NCAM1: variants seen among roughly 807,000 people sequenced by gnomAD.
NCAM1 encodes neural cell adhesion molecule 1.
A neutral mutation model predicts 109.8 loss-of-function variants in NCAM1; 14 were observed. That is an observed-to-expected ratio of 0.13 (90% confidence interval 0.08 to 0.20). The LOEUF (loss-of-function observed/expected upper bound fraction) is 0.20. Ranked by LOEUF, NCAM1 falls within the 10% of genes least tolerant of loss-of-function variation. The pLI, the probability that NCAM1 is intolerant of heterozygous loss-of-function variation, is 1.00. For synonymous variants in NCAM1, 418 were observed against 442.9 expected (o/e 0.94, Z 0.70); for missense variants, 774 against 1,109.9 (o/e 0.70, Z 4.30).
At chr11:112,966,372 C>A (rs1950728378) in intron 1 of NCAM1, among the ~76,000 whole-genome samples, 1 of 152,178 alleles carries the variant, frequency 6.6e-6, no homozygotes, top group South Asian at 2.1e-4. Flanking sequence ...CTGAGCAATG[C>A]TGTAAGAGAT....
At chr11:113,206,313 C>CCT in intron 5 of NCAM1, 133 bp downstream of exon 5, 1 of 933,594 alleles carries the variant, frequency 1.1e-6, no homozygotes. Flanking sequence ...AGCTAAATCC[C>CCT]CTCCCCACCG....
At chr11:113,244,654 CGT>C (rs55798470) in intron 14 of NCAM1, among the ~76,000 whole-genome samples, 21,622 of 149,688 alleles carry the variant, frequency 0.14, 1,526 homozygotes, top group Admixed American at 0.15. Flanking sequence ...TGTGTGTGTG[CGT>C]GTGTGTGTGT....
At chr11:113,239,371 C>T (rs1425513668) in intron 14 of NCAM1, among the ~76,000 whole-genome samples, 1 of 152,206 alleles carries the variant, frequency 6.6e-6, no homozygotes, top group Non-Finnish European at 1.5e-5. Flanking sequence ...TAGGAATCTT[C>T]CCCTCCATGA....
chr11:113,254,825 T>G lies in NCAM1; in HGVS notation c.1829-1052T>G, dbSNP rs540662238. Among the ~76,000 whole-genome samples, 30 of 152,334 alleles carry G rather than the reference T, an allele frequency of 2.0e-4. No individual in the cohort carries two copies. The South Asian group carries it at 5.6e-3, about 28-fold the overall frequency. ...TGAGGTTATGAAATAGATGCAGAGA[T>G]AGCTCCTCACAGAAGTGCAGGATTC... is the stretch of plus-strand genomic sequence containing the variant. On this transcript the variant is annotated intron_variant, in intron 15 of 19. Transcript: ENST00000316851.
chr11:113,104,525 A>T (rs1940058083), intron 1 of NCAM1, among the ~76,000 whole-genome samples: 2 of 152,152 alleles, frequency 1.3e-5, no homozygotes, highest in African/African-American at 4.8e-5. Flanking sequence ...GTGAAAAGAC[A>T]ACCAGGATTG....
chr11:113,030,908 C>A (rs1555078235), intron 1 of NCAM1, among the ~76,000 whole-genome samples: 1 of 152,160 alleles, frequency 6.6e-6, no homozygotes, highest in Non-Finnish European at 1.5e-5. Context: ...TTTTTATCCC[C>A]TTATGTATGA....
At chr11:113,235,892 T>C (rs1318117837) in intron 14 of NCAM1, among the ~76,000 whole-genome samples, 6 of 152,224 alleles carry the variant, frequency 3.9e-5, no homozygotes, top group African/African-American at 1.4e-4. Flanking sequence ...GCCCTGCTCC[T>C]GTCATACCCC....
intron 1 of NCAM1, among the ~76,000 whole-genome samples, chr11:113,140,857 A>C (rs1941791371): frequency 6.6e-6 from 1 of 152,232 alleles, no homozygotes; most frequent in African/African-American, 2.4e-5. Context: ...GCAAGATACA[A>C]ATAGTGAATT....
chr11:113,147,821 A>T (rs1451504981), intron 1 of NCAM1, among the ~76,000 whole-genome samples: 2 of 152,234 alleles, frequency 1.3e-5, no homozygotes, highest in African/African-American at 4.8e-5. Flanking sequence ...AGTTTCATAT[A>T]GTCAGACAAG....
chr11:113,024,610 A>AAT lies in NCAM1; in HGVS notation c.52+62956_52+62957dup, dbSNP rs202211209. ...AAGTTGTTTGCAAAAGTAACATAAG[A>AAT]ATATATATATACTTTTCCATCATTA... is the stretch of plus-strand genomic sequence containing the variant. On this transcript the variant is annotated intron_variant, in intron 1 of 19. Coordinates refer to ENST00000316851, the MANE Select transcript of NCAM1 (RefSeq NM_181351.5). 7.6e-3 allele frequency among the ~76,000 whole-genome samples: 1,150 copies of AAT among 152,224 alleles called. 9 individuals carry two copies. Among genetic ancestry groups the AAT allele is most frequent in the Non-Finnish European group, 0.013 (859 of 67,996 alleles).
intron 1 of NCAM1, among the ~76,000 whole-genome samples, chr11:113,080,117 G>T (rs1555086888): frequency 6.6e-6 from 1 of 152,158 alleles, no homozygotes; most frequent in Non-Finnish European, 1.5e-5. Context: ...TTTGAATAAG[G>T]CGTGTGAAAT....
At chr11:113,268,820 T>C (rs367838038) in intron 17 of NCAM1, among the ~76,000 whole-genome samples, 30 of 152,290 alleles carry the variant, frequency 2.0e-4, no homozygotes, top group African/African-American at 7.2e-4. Flanking sequence ...GGCCTGGTGC[T>C]TGGCAAAGCC....
chr11:112,966,120 T>A (rs898338702), intron 1 of NCAM1, among the ~76,000 whole-genome samples: 1 of 152,184 alleles, frequency 6.6e-6, no homozygotes, highest in Non-Finnish European at 1.5e-5. Context: ...ACATATAGAC[T>A]AAGGAATGTC....
chr11:113,197,221 G>A (rs1052164119), intron 1 of NCAM1: 4 of 252,514 alleles, frequency 1.6e-5, no homozygotes, highest in South Asian at 3.8e-5. Flanking sequence ...ATTTGGGTGG[G>A]GACACAGAGC....
intron 1 of NCAM1, among the ~76,000 whole-genome samples, chr11:113,147,210 C>G (rs114844397): frequency 1.3e-3 from 201 of 152,310 alleles, no homozygotes; most frequent in African/African-American, 4.5e-3. Context: ...ATTCTTTTTC[C>G]TTTCCTTACT....
At chr11:113,223,092 G>A (rs564049655) in intron 9 of NCAM1, among the ~76,000 whole-genome samples, 3 of 152,020 alleles carry the variant, frequency 2.0e-5, no homozygotes, top group Admixed American at 2.0e-4. Context: ...ATATTTTTGG[G>A]GAAAAAAGGA....
chr11:113,095,991 GTGTTT>G (rs1174073734), intron 1 of NCAM1, among the ~76,000 whole-genome samples: 3 of 152,110 alleles, frequency 2.0e-5, no homozygotes, highest in Non-Finnish European at 4.4e-5. Flanking sequence ...TAAACATTTA[GTGTTT>G]TTATTATAAT....
At chr11:113,031,023 C>T (rs1251758845) in intron 1 of NCAM1, among the ~76,000 whole-genome samples, 2 of 152,158 alleles carry the variant, frequency 1.3e-5, no homozygotes, top group African/African-American at 2.4e-5. Flanking sequence ...ACACAGTCAC[C>T]ACAAACACTG....
At chr11:113,047,872 A>G (rs1206002344) in intron 1 of NCAM1, among the ~76,000 whole-genome samples, 1 of 152,134 alleles carries the variant, frequency 6.6e-6, no homozygotes, top group African/African-American at 2.4e-5. Flanking sequence ...CCATGATTAA[A>G]TTACCCCCCA....
Sources: allele counts gnomAD v4.1 joint callset (sites outside exome capture counted in the v4.1 genomes callset), GRCh38; gene constraint gnomAD v4.1.1; transcripts MANE v1.5; gene names NCBI Gene and HGNC (gene_info 2026-07-23, HGNC 2026-07-21).